The following CCDC88B variants were observed in gnomAD, a reference collection of about 807,000 sequenced individuals.
CCDC88B encodes coiled-coil and HOOK domain protein 88B, also known as coiled-coil domain-containing protein 88B.
Under a neutral mutation model 183.7 loss-of-function variants are expected in CCDC88B, and 138 were observed. The ratio of observed to expected loss-of-function variants is 0.75; its 90% CI spans 0.65 to 0.87. The LOEUF (loss-of-function observed/expected upper bound fraction) is 0.87, where lower values mean the gene tolerates loss of function less well. Ranked by LOEUF, CCDC88B falls within the 40% of genes least tolerant of loss-of-function variation. CCDC88B has a pLI of 0.00. For synonymous variants in CCDC88B, 835 were observed against 867.5 expected (o/e 0.96, Z 0.66); for missense variants, 1,822 against 1,965.6 (o/e 0.93, Z 1.38).
At chr11:64,352,456 G>C in intron 19 of CCDC88B, 70 bp downstream of exon 19, 2 of 1,465,146 alleles carry the variant, frequency 1.4e-6, no homozygotes, top group Non-Finnish European at 1.8e-6. Flanking sequence ...CCCCTCAGCA[G>C]GTCTGACTCC....
At chr11:64,349,246 A>G (rs2036231658) in intron 14 of CCDC88B, 85 bp from the exon 15 acceptor site, 1 of 1,455,274 alleles carries the variant, frequency 6.9e-7, no homozygotes, top group Non-Finnish European at 9.2e-7. Flanking sequence ...GGTCAAGGAC[A>G]GAAAGGCAGC....
rs776004537 is a variant in CCDC88B at position 64,344,068 on chromosome 11, G to A, written c.1527G>A (p.Val509=). 9.3e-6 allele frequency: 15 copies of A among 1,604,672 alleles called. No homozygotes were observed. The highest frequency in any genetic ancestry group is 1.2e-5 in the Non-Finnish European group (14 of 1,175,542). The change falls in exon 14 of 27, where the codon GTG becomes GTA. Residue 509 remains valine (V), a synonymous_variant. Transcript: ENST00000356786. The surrounding 1 kb of genome is among the most constrained non-coding windows in gnomAD (Gnocchi z 4.5). ...PVLEEAPQTP[V]AFDHSPQGLV... is the part of the protein sequence containing the mutation. ...TGGAGGAGGCTCCCCAGACTCCTGT[G>A]GCCTTCGACCACAGCCCTCAGGGCT...
chr11:64,352,771 C>A lies in CCDC88B; in HGVS notation c.3384C>A (p.Ala1128=). The A allele has an allele frequency of 7.4e-6, 12 of 1,613,552 alleles. No individual in the cohort carries two copies. The highest frequency in any genetic ancestry group is 1.0e-5 in the Non-Finnish European group (12 of 1,180,004). The change falls in exon 20 of 27, where the codon GCC becomes GCA. Residue 1128 remains alanine (A), a synonymous_variant. Coordinates refer to ENST00000356786, the MANE Select transcript of CCDC88B (RefSeq NM_032251.6). Reference sequence around the variant, plus strand: ...ACGAGCAGCTGCAGGCCCAGCGGGCCAGCGTGGAGGCACAGGAGGTGGCCC... The same window carrying A: ...ACGAGCAGCTGCAGGCCCAGCGGGCAAGCGTGGAGGCACAGGAGGTGGCCC... ...GRHEQLQAQR[A]SVEAQEVALL... is the part of the protein sequence containing the mutation.
At chr11:64,354,838 A>C in intron 24 of CCDC88B, among the ~76,000 whole-genome samples, 1 of 56,514 alleles carries the variant, frequency 1.8e-5, no homozygotes. Flanking sequence ...CTCTCCCTGC[A>C]TGAGCCTCAG....
chr11:64,344,287 T>C lies in CCDC88B; in HGVS notation c.1746T>C (p.Pro582=), dbSNP rs1279118717. ...SDWSPQESGS[P]VETQESPEKA... is the part of the protein sequence containing the mutation. ...GGTCCCCGCAAGAGTCAGGCTCTCCTGTGGAGACACAGGAGTCCCCGGAGA... is the reference window on the plus strand; with the variant it reads ...GGTCCCCGCAAGAGTCAGGCTCTCCCGTGGAGACACAGGAGTCCCCGGAGA... The change falls in exon 14 of 27, where the codon CCT becomes CCC. Residue 582 remains proline, a synonymous_variant. Transcript: ENST00000356786. The surrounding 1 kb of genome is among the most constrained non-coding windows in gnomAD (Gnocchi z 4.5). 6.2e-7 allele frequency: 1 copy of C among 1,613,702 alleles called. No homozygotes were observed. Among genetic ancestry groups the C allele is most frequent in the Admixed American group, 1.7e-5 (1 of 60,010 alleles).
Position 64,355,288 on chromosome 11 carries a change from A to C in CCDC88B, c.4194A>C (p.Ser1398=). ...GCGGGCAGCGGCGGAAACTCAGCTC[A>C]AGGTTCCCGGTGGGGCGAAGCTCTG... ...LAGGQRRKLS[S]RFPVGRSSES... is the part of the protein sequence containing the mutation. The change falls in exon 25 of 27, where the codon TCA becomes TCC. Residue 1398 remains serine (S), a synonymous_variant. Transcript: ENST00000356786. 1.3e-6 allele frequency: 2 copies of C among 1,589,214 alleles called. No homozygotes were observed. Among genetic ancestry groups the C allele is most frequent in the Non-Finnish European group, 8.6e-7 (1 of 1,168,680 alleles).
chr11:64,353,816 G>A lies in CCDC88B; in HGVS notation c.3932+3G>A. Reference sequence around the variant, plus strand: ...CCTGTGCCCCTGCCCCGGACCAAGTGAGCAGCCCTGTCACCTCCCTCAGGC... The same window carrying A: ...CCTGTGCCCCTGCCCCGGACCAAGTAAGCAGCCCTGTCACCTCCCTCAGGC... On this transcript the variant is annotated splice_donor_region_variant and intron_variant, in intron 23 of 26. Coordinates refer to ENST00000356786, the MANE Select transcript of CCDC88B (RefSeq NM_032251.6). The A allele has an allele frequency of 1.2e-6, 2 of 1,613,916 alleles. No individual in the cohort carries two copies. Among genetic ancestry groups the A allele is most frequent in the East Asian group, 2.2e-5 (1 of 44,880 alleles).
In CCDC88B at chr11:64,352,802, G is replaced by C. The variant is rs765587786; in HGVS notation, c.3415G>C (p.Ala1139Pro). Reference sequence around the variant, plus strand: ...GGAGGCACAGGAGGTGGCCCTGCTGGCAGAGCGTGAACGCCTGATGCAAGA... The same window carrying C: ...GGAGGCACAGGAGGTGGCCCTGCTGCCAGAGCGTGAACGCCTGATGCAAGA... The part of the protein sequence containing the change: ...SVEAQEVALL[A>P]ERERLMQDGH... The change falls in exon 20 of 27, where the codon GCA becomes CCA. Residue 1139 changes from alanine (A) to proline (P), a missense_variant. Coordinates refer to ENST00000356786, the MANE Select transcript of CCDC88B (RefSeq NM_032251.6). 6.2e-7 allele frequency: 1 copy of C among 1,613,376 alleles called. No individual in the cohort carries two copies. Among genetic ancestry groups the C allele is most frequent in the Non-Finnish European group, 8.5e-7 (1 of 1,179,952 alleles).
chr11:64,346,468 T>G, intron 14 of CCDC88B, among the ~76,000 whole-genome samples: 1 of 146,114 alleles, frequency 6.8e-6, no homozygotes, highest in African/African-American at 2.5e-5. Context: ...TGAGACGGAG[T>G]CTCGCTCTTT....
chr11:64,349,088 C>A, intron 14 of CCDC88B: 1 of 716,678 alleles, frequency 1.4e-6, no homozygotes, highest in Non-Finnish European at 2.6e-6. Flanking sequence ...CACCTACCGA[C>A]TCCCAGCCCA....
chr11:64,352,067 T>C, intron 18 of CCDC88B, 63 bp from the exon 19 acceptor site: 2 of 1,507,546 alleles, frequency 1.3e-6, no homozygotes, highest in Admixed American at 2.2e-5. Flanking sequence ...GCCCCCCGCC[T>C]CTCACTCGAT....
In CCDC88B at chr11:64,343,247, C is replaced by A. The variant is rs1565396122; in HGVS notation, c.1131C>A (p.Ala377=). 2 of 1,547,944 alleles carry A rather than the reference C, an allele frequency of 1.3e-6. No homozygotes were observed. Among genetic ancestry groups the A allele is most frequent in the Non-Finnish European group, 8.7e-7 (1 of 1,146,588 alleles). Residue 377 remains alanine, a synonymous_variant, in exon 11 of 27, where the codon GCC becomes GCA. Transcript: ENST00000356786. ...TGCTGGAAGAGCAGCTGGAGGCTGC[C>A]CGAGAGCGCTGCGCCCGGCTGCACG... The part of the protein sequence containing the change: ...KALLEEQLEA[A]RERCARLHET...
intron 14 of CCDC88B, among the ~76,000 whole-genome samples, chr11:64,348,656 A>G (rs917129465): frequency 1.4e-4 from 21 of 151,958 alleles, no homozygotes; most frequent in Non-Finnish European, 2.6e-4. Flanking sequence ...TTTCCAAGGC[A>G]GGATTTGGCT....
chr11:64,340,501 G>A (rs549046044), intron 1 of CCDC88B, 106 bp from the exon 2 acceptor site: 2 of 1,497,264 alleles, frequency 1.3e-6, no homozygotes, highest in Non-Finnish European at 1.8e-6. Context: ...AGGGGACAGA[G>A]GCACTCAGAG....
Position 64,357,044 on chromosome 11 carries a change from G to A in CCDC88B, c.4381G>A (p.Glu1461Lys), listed in dbSNP as rs761046095. Residue 1461 changes from glutamate to lysine, a missense_variant, in exon 27 of 27, where the codon GAG becomes AAG. Physicochemically the swap from Glu to Lys is moderately conservative, Grantham distance 56. Coordinates refer to ENST00000356786, the MANE Select transcript of CCDC88B (RefSeq NM_032251.6). The stretch of plus-strand genomic sequence containing the variant: ...AGCTGAGCCTTTCCCTCTAGGCCCT[G>A]AGGTACAGGAACCGGAGAAACGTCC... ...HETDANREGP[E>K]VQEPEKRPLT... 6.9e-6 allele frequency: 11 copies of A among 1,592,196 alleles called. No homozygotes were observed. In the South Asian group the frequency reaches 1.0e-4, roughly 15 times the overall value.
At chr11:64,343,352 G>A (rs762326013) in intron 11 of CCDC88B, 27 bp downstream of exon 11, 7 of 1,547,628 alleles carry the variant, frequency 4.5e-6, no homozygotes, top group Middle Eastern at 1.7e-4. Flanking sequence ...GATCCCACTT[G>A]GGTTGCCCCG....
At chr11:64,356,890 C>T (rs2036562653) in intron 26 of CCDC88B, 149 bp from the exon 27 acceptor site, 3 of 704,046 alleles carry the variant, frequency 4.3e-6, no homozygotes, top group East Asian at 2.6e-5. Flanking sequence ...GCAGAGGGAA[C>T]CGCTGAGGGA....
At position 64,349,577 on chromosome 11, in the gene CCDC88B, A is replaced by G. The variant is rs1211137144; in HGVS notation, c.2771A>G (p.Glu924Gly). 6.2e-7 allele frequency: 1 copy of G among 1,602,066 alleles called. No homozygotes were observed. Among genetic ancestry groups the G allele is most frequent in the South Asian group, 1.1e-5 (1 of 88,856 alleles). The change falls in exon 16 of 27, where the codon GAA becomes GGA. Residue 924 changes from glutamate to glycine, a missense_variant. Glu to Gly is a moderately conservative substitution (Grantham distance 98). Transcript: ENST00000356786. ...TACCAGGGCTTGGAGCAGCGGCTGG[A>G]AGCTGAGCTGCAGGCGGCGGCGACC... ...QRYQGLEQRL[E>G]AELQAAATSK...
In CCDC88B at chr11:64,345,134, C is replaced by A; in HGVS notation, c.2593C>A (p.Arg865=). The change falls in exon 14 of 27, where the codon CGG becomes AGG. Residue 865 remains arginine, a synonymous_variant. Transcript: ENST00000356786. ...CTTGGAGGAGGCTGAGAGGGAGCGC[C>A]GGGAGAAGGAGGCCCTCCAGGCGGT... The part of the protein sequence containing the change: ...QHLEEAERER[R]EKEALQAELE... 6.5e-7 allele frequency: 1 copy of A among 1,546,050 alleles called. No homozygotes were observed. The highest frequency in any genetic ancestry group is 8.7e-7 in the Non-Finnish European group (1 of 1,151,060).
Sources: allele counts gnomAD v4.1 joint callset (sites outside exome capture counted in the v4.1 genomes callset), GRCh38; gene constraint gnomAD v4.1.1; non-coding constraint Gnocchi (gnomAD v3.1); transcripts MANE v1.5; gene names NCBI Gene and HGNC (gene_info 2026-07-23, HGNC 2026-07-21).